Variants in KLRD1 observed in about 807,000 individuals in gnomAD.
KLRD1 encodes killer cell lectin like receptor D1, also known as natural killer cells antigen CD94.
Under a neutral mutation model 22.6 loss-of-function variants are expected in KLRD1, and 21 were observed. The observed-to-expected ratio is 0.93, with a 90% CI of 0.66 to 1.34. The LOEUF is 1.34. Among genes scored for constraint, KLRD1 ranks in the 40% most tolerant of loss-of-function variants. The pLI, the probability that KLRD1 is intolerant of heterozygous loss-of-function variation, is 0.00. For synonymous variants in KLRD1, 59 were observed against 71.1 expected, an observed-to-expected ratio of 0.83 and a Z score of 0.85; for missense variants, 183 against 208.6, an observed-to-expected ratio of 0.88 and a Z score of 0.76.
intron 1 of KLRD1, among the ~76,000 whole-genome samples, chr12:10,278,185 T>G (rs1208994725): frequency 6.6e-6 from 1 of 152,182 alleles, no homozygotes. Context: ...ACAATGGATA[T>G]TTGACCCTCT....
At chr12:10,274,704 A>G (rs1949577501) in intron 1 of KLRD1, among the ~76,000 whole-genome samples, 1 of 152,180 alleles carries the variant, frequency 6.6e-6, no homozygotes, top group African/African-American at 2.4e-5. Context: ...GACATTAAAT[A>G]TATCCAATAT....
chr12:10,286,425 T>C (rs577010038), intron 1 of KLRD1, among the ~76,000 whole-genome samples: 1 of 152,268 alleles, frequency 6.6e-6, no homozygotes, highest in African/African-American at 2.4e-5. Flanking sequence ...CAATAAACTA[T>C]TTAGTTGCAT....
chr12:10,251,991 C>T (rs1949350853), intron 1 of KLRD1, among the ~76,000 whole-genome samples: 1 of 152,156 alleles, frequency 6.6e-6, no homozygotes, highest in Non-Finnish European at 1.5e-5. Flanking sequence ...TTGGGGACCT[C>T]TGGTCTGGTC....
chr12:10,307,040 C>T (rs1400713764), upstream of KLRD1, among the ~76,000 whole-genome samples: 1 of 152,058 alleles, frequency 6.6e-6, no homozygotes, highest in Non-Finnish European at 1.5e-5. Flanking sequence ...AATCATGGAT[C>T]GAAATCTCTC....
At chr12:10,267,868 C>T (rs527343508) in intron 1 of KLRD1, among the ~76,000 whole-genome samples, 15 of 152,284 alleles carry the variant, frequency 9.9e-5, no homozygotes, top group South Asian at 2.1e-4. Context: ...ACACTAACCA[C>T]GTTACATTCA....
chr12:10,327,829 T>G lies in KLRD1; in HGVS notation c.*13036T>G, dbSNP rs753112537. The G allele has an allele frequency of 3.9e-5, 6 of 152,184 alleles. No individual in the cohort carries two copies. The highest frequency in any genetic ancestry group is 7.4e-5 in the Non-Finnish European group (5 of 68,026). 9.4% of individuals were successfully genotyped at this position (152,184 alleles called of 1,614,324 possible). ...ATAGGGCCTTCAAAATGTTGAAATA[T>G]TTTTCTCAAATTCTAGGTTGGCAGG... On this transcript the variant is annotated 3_prime_UTR_variant, in exon 6 of 6. Coordinates refer to ENST00000336164, the MANE Select transcript of KLRD1 (RefSeq NM_002262.5).
At chr12:10,259,143 A>G (rs1949425525) in intron 1 of KLRD1, among the ~76,000 whole-genome samples, 2 of 152,206 alleles carry the variant, frequency 1.3e-5, no homozygotes, top group African/African-American at 4.8e-5. Context: ...CTGAATATCC[A>G]CTAAAGACAC....
chr12:10,274,829 T>C (rs560629339), intron 1 of KLRD1, among the ~76,000 whole-genome samples: 13 of 152,332 alleles, frequency 8.5e-5, no homozygotes, highest in African/African-American at 2.4e-4. Flanking sequence ...TATGTTCCCT[T>C]AACCATGGTA....
chr12:10,316,327 A>C lies in KLRD1; in HGVS notation c.*1534A>C, dbSNP rs997616881. ...TAGAAACCACTTTAGAGTTATGCCT[A>C]CTGTACCCACATAATCCTAAAAATA... On this transcript the variant is annotated 3_prime_UTR_variant, in exon 6 of 6. Transcript: ENST00000336164. 2 of 152,130 alleles carry C rather than the reference A, an allele frequency of 1.3e-5. No homozygotes were observed. Among genetic ancestry groups the C allele is most frequent in the Non-Finnish European group, 1.5e-5 (1 of 68,020 alleles). The allele number at this position is 152,130 out of a possible 1,614,324, so 9.4% of individuals were successfully genotyped here.
rs540362280 is a variant in KLRD1 at position 10,297,373 on chromosome 12, T to TTAAATTGA, written c.-100-10605_-100-10604insTAAATTGA. Among the ~76,000 whole-genome samples, 29 of 152,320 alleles carry TTAAATTGA rather than the reference T, an allele frequency of 1.9e-4. 1 individual carries two copies. The South Asian group carries it at 6.0e-3, about 32-fold the overall frequency. On this transcript the variant is annotated intron_variant, in intron 1 of 5. Transcript: ENST00000544747. ...AATTTTAACAAATCACACTCATTTC[T>TTAAATTGA]GTACCTCTAGAAGATAGTTAAATGT...
At chr12:10,276,613 C>T (rs1325435866) in intron 1 of KLRD1, among the ~76,000 whole-genome samples, 2 of 151,928 alleles carry the variant, frequency 1.3e-5, no homozygotes, top group South Asian at 2.1e-4. Context: ...ACCACAACCT[C>T]CCCGTCCCAG....
rs945922509 is a variant in KLRD1 at position 10,325,225 on chromosome 12, C to T, written c.*10432C>T. ...GAATTTTTATAAGGAGTACATATGACATATGCTTTTATTAAATGTTTTATT... is the reference window on the plus strand; with the variant it reads ...GAATTTTTATAAGGAGTACATATGATATATGCTTTTATTAAATGTTTTATT... On this transcript the variant is annotated 3_prime_UTR_variant, in exon 6 of 6. Coordinates refer to ENST00000336164, the MANE Select transcript of KLRD1 (RefSeq NM_002262.5). 58 of 152,050 alleles carry T rather than the reference C, an allele frequency of 3.8e-4. No homozygotes were observed. Among genetic ancestry groups the T allele is most frequent in the Admixed American group, 1.0e-3 (16 of 15,244 alleles). 9.4% of individuals were successfully genotyped at this position (152,050 alleles called of 1,614,324 possible). A position where few individuals can be genotyped will look rare whatever the true frequency, so the allele number is the denominator to read the frequency against.
chr12:10,249,088 G>A (rs1251180372), intron 1 of KLRD1, among the ~76,000 whole-genome samples: 4 of 151,926 alleles, frequency 2.6e-5, no homozygotes, highest in Admixed American at 2.6e-4. Flanking sequence ...TATATACGAC[G>A]GATAATGTGT....
Position 10,328,885 on chromosome 12 carries a change from AAG to A in KLRD1, c.*14098_*14099del, listed in dbSNP as rs1442281003. The A allele has an allele frequency of 1.3e-5, 2 of 152,254 alleles. No individual in the cohort carries two copies. The highest frequency in any genetic ancestry group is 6.6e-5 in the Admixed American group (1 of 15,266). 9.4% of individuals were successfully genotyped at this position (152,254 alleles called of 1,614,324 possible). On this transcript the variant is annotated 3_prime_UTR_variant, in exon 6 of 6. Coordinates refer to ENST00000336164, the MANE Select transcript of KLRD1 (RefSeq NM_002262.5). ...ACACATGTCTCACATGGCGGCAGAC[AAG>A]AGAGAATGAAAGCCAAGCCAAAGGG...
At chr12:10,296,499 C>T (rs1331188186) in intron 1 of KLRD1, among the ~76,000 whole-genome samples, 2 of 151,978 alleles carry the variant, frequency 1.3e-5, no homozygotes, top group East Asian at 3.9e-4. Context: ...CTGGGCGACA[C>T]AGCGAGACTC....
chr12:10,270,756 C>T (rs1949541720), intron 1 of KLRD1, among the ~76,000 whole-genome samples: 1 of 150,640 alleles, frequency 6.6e-6, no homozygotes, highest in Admixed American at 6.7e-5. Flanking sequence ...AGAAATCCTA[C>T]TGTGGGTTTA....
Position 10,323,801 on chromosome 12 carries a change from T to G in KLRD1, c.*9008T>G, listed in dbSNP as rs1950332954. 6.6e-6 allele frequency: 1 copy of G among 151,948 alleles called. No homozygotes were observed. Among genetic ancestry groups the G allele is most frequent in the African/African-American group, 2.4e-5 (1 of 41,418 alleles). 9.4% of individuals were successfully genotyped at this position (151,948 alleles called of 1,614,324 possible). On this transcript the variant is annotated 3_prime_UTR_variant, in exon 6 of 6. Transcript: ENST00000336164. ...TTTTCATTCAGCATCATAATAGTTT[T>G]TATACTCATCTATGTTGATACATGT...
At chr12:10,299,763 C>T (rs1387414608), upstream of KLRD1, among the ~76,000 whole-genome samples, 1 of 152,024 alleles carries the variant, frequency 6.6e-6, no homozygotes, top group Admixed American at 6.6e-5. Context: ...GAAAGATTCT[C>T]TGTAGCATGT....
intron 1 of KLRD1, among the ~76,000 whole-genome samples, chr12:10,244,105 G>T (rs1949268076): frequency 6.6e-6 from 1 of 152,066 alleles, no homozygotes; most frequent in Admixed American, 6.5e-5. Flanking sequence ...CTTGTTGTTG[G>T]TCAAGCGCTC....
Sources: allele counts gnomAD v4.1 joint callset (sites outside exome capture counted in the v4.1 genomes callset), GRCh38; gene constraint gnomAD v4.1.1; transcripts MANE v1.5; gene names NCBI Gene and HGNC (gene_info 2026-07-23, HGNC 2026-07-21).